The following MEOX2 variants were observed in gnomAD, a reference collection of about 807,000 sequenced individuals.
The protein encoded by MEOX2 is mesenchyme homeobox 2.
Under a neutral mutation model 27.0 loss-of-function variants are expected in MEOX2, and 11 were observed. The ratio of observed to expected loss-of-function variants is 0.41; its 90% CI spans 0.26 to 0.68. The LOEUF (loss-of-function observed/expected upper bound fraction) is 0.68. Among genes scored for constraint, MEOX2 ranks in the 30% least tolerant of loss-of-function variants. The probability of loss-of-function intolerance (pLI) is 0.33; values close to 1 mark genes in which losing one functional copy is unlikely to be tolerated. For missense variants in MEOX2, 436 were observed against 385.4 expected (o/e 1.13, Z -1.10); for synonymous variants, 189 against 155.4 (o/e 1.22, Z -1.61).
At chr7:15,626,941 T>C (rs762624873) in intron 1 of MEOX2, 23 bp from the exon 2 acceptor site, 9 of 1,606,928 alleles carry the variant, frequency 5.6e-6, no homozygotes, top group Non-Finnish European at 7.7e-6. Context: ...GGAGACAGAA[T>C]TGGTAATAAC....
intron 1 of MEOX2, among the ~76,000 whole-genome samples, chr7:15,632,654 T>A (rs1781421476): frequency 6.6e-6 from 1 of 151,910 alleles, no homozygotes; most frequent in Admixed American, 6.6e-5. Flanking sequence ...ATAATGCAAT[T>A]TACTTGCGTC....
At chr7:15,632,956 A>AC (rs1781425045) in intron 1 of MEOX2, among the ~76,000 whole-genome samples, 1 of 151,982 alleles carries the variant, frequency 6.6e-6, no homozygotes, top group Non-Finnish European at 1.5e-5. Context: ...TTGCACCTAC[A>AC]GTGGGACTAA....
At chr7:15,672,831 G>T (rs1036795991) in intron 1 of MEOX2, among the ~76,000 whole-genome samples, 9 of 151,760 alleles carry the variant, frequency 5.9e-5, no homozygotes, top group African/African-American at 2.2e-4. Context: ...GGCAGAGGTT[G>T]CAGTGAGCCG....
At chr7:15,675,154 G>C (rs1189101215) in intron 1 of MEOX2, among the ~76,000 whole-genome samples, 1 of 152,076 alleles carries the variant, frequency 6.6e-6, no homozygotes, top group Non-Finnish European at 1.5e-5. Context: ...ATATGATTCT[G>C]TTCACATAAA....
chr7:15,646,787 A>G (rs2115374322), intron 1 of MEOX2, among the ~76,000 whole-genome samples: 1 of 152,096 alleles, frequency 6.6e-6, no homozygotes, highest in South Asian at 2.1e-4. Flanking sequence ...AGATTGATAT[A>G]CTAATTAATG....
chr7:15,669,142 A>G (rs534866617), intron 1 of MEOX2, among the ~76,000 whole-genome samples: 1 of 152,360 alleles, frequency 6.6e-6, no homozygotes, highest in East Asian at 1.9e-4. Flanking sequence ...GTAAAGTTTC[A>G]ATATAAAAGT....
At chr7:15,675,805 G>T (rs1189297514) in intron 1 of MEOX2, among the ~76,000 whole-genome samples, 1 of 152,170 alleles carries the variant, frequency 6.6e-6, no homozygotes, top group Non-Finnish European at 1.5e-5. Context: ...TGTCCCTGCT[G>T]TGTATTATCG....
At chr7:15,655,925 T>A (rs1781812696) in intron 1 of MEOX2, among the ~76,000 whole-genome samples, 2 of 151,732 alleles carry the variant, frequency 1.3e-5, no homozygotes, top group Admixed American at 1.3e-4. Context: ...GTCTAGCTGT[T>A]TTATCGATTG....
intron 2 of MEOX2, among the ~76,000 whole-genome samples, chr7:15,620,854 A>C (rs2107267): frequency 8.6e-5 from 13 of 151,664 alleles, no homozygotes; most frequent in Non-Finnish European, 1.5e-4. Context: ...TTACAAGTCT[A>C]CAACATTACA....
chr7:15,682,040 T>C (rs755952690), intron 1 of MEOX2: 8 of 151,830 alleles, frequency 5.3e-5, no homozygotes, highest in Non-Finnish European at 1.2e-4. Flanking sequence ...AGCCCTCATG[T>C]AGGTCAATGA....
chr7:15,678,773 G>A (rs970221644), intron 1 of MEOX2: 2 of 152,154 alleles, frequency 1.3e-5, no homozygotes, highest in Admixed American at 6.5e-5. Flanking sequence ...AAAATTCTAG[G>A]CCTTTAAAAT....
intron 1 of MEOX2, among the ~76,000 whole-genome samples, chr7:15,628,249 T>A (rs1022513331): frequency 6.6e-6 from 1 of 152,116 alleles, no homozygotes; most frequent in Non-Finnish European, 1.5e-5. Flanking sequence ...GATGTTTAAC[T>A]GAACTAAAGA....
In MEOX2 at chr7:15,612,600, C is replaced by A; in HGVS notation, c.702G>T (p.Trp234Cys). The A allele has an allele frequency of 6.2e-7, 1 of 1,613,980 alleles. No homozygotes were observed. The highest frequency in any genetic ancestry group is 8.5e-7 in the Non-Finnish European group (1 of 1,179,922). Residue 234 changes from tryptophan to cysteine, a missense_variant, in exon 3 of 3, where the codon TGG becomes TGT. Transcript: ENST00000262041. ...TCCACTTCATCCGCCTGTTTTGGAA[C>A]CAGACTTTCACCTTCAACCAAGAAA... is the stretch of plus-strand genomic sequence containing the variant. ...LDLTERQVKVWFQNRRMKWKR... is the reference protein window; with the variant it reads ...LDLTERQVKVCFQNRRMKWKR...
chr7:15,680,591 G>A (rs1041648490), intron 1 of MEOX2: 5 of 151,768 alleles, frequency 3.3e-5, no homozygotes, highest in Admixed American at 6.6e-5. Context: ...TTTTCTACTT[G>A]GGGGTTCAGT....
intron 1 of MEOX2, among the ~76,000 whole-genome samples, chr7:15,657,760 T>C (rs775508696): frequency 1.4e-4 from 22 of 152,236 alleles, no homozygotes; most frequent in Non-Finnish European, 2.4e-4. Context: ...TACCTAGTTA[T>C]TGGTCAGGAT....
intron 1 of MEOX2, among the ~76,000 whole-genome samples, chr7:15,676,735 G>A (rs1782199531): frequency 6.6e-6 from 1 of 151,966 alleles, no homozygotes; most frequent in South Asian, 2.1e-4. Flanking sequence ...GCGGGCGCCT[G>A]TAGTCCCAGC....
chr7:15,666,402 A>T (rs536899814), intron 1 of MEOX2, among the ~76,000 whole-genome samples: 1 of 152,266 alleles, frequency 6.6e-6, no homozygotes, highest in African/African-American at 2.4e-5. Flanking sequence ...TGAAATACAA[A>T]GTTTAGTAAC....
Position 15,612,312 on chromosome 7 carries a change from G to T in MEOX2, c.*75C>A. The T allele has an allele frequency of 1.7e-6, 2 of 1,148,530 alleles. No individual in the cohort carries two copies. Among genetic ancestry groups the T allele is most frequent in the Non-Finnish European group, 2.6e-6 (2 of 761,232 alleles). The allele number at this position is 1,148,530 out of a possible 1,614,324, so 71.1% of individuals were successfully genotyped here. A position where few individuals can be genotyped will look rare whatever the true frequency, so the allele number is the denominator to read the frequency against. ...ACATCACTGCCATAGTCATCTCTCT[G>T]TGTAAACGATATTTGGGTAAGGCTT... On this transcript the variant is annotated 3_prime_UTR_variant, in exon 3 of 3. Transcript: ENST00000262041.
intron 1 of MEOX2, among the ~76,000 whole-genome samples, chr7:15,658,579 G>A (rs1432776239): frequency 6.6e-6 from 1 of 152,126 alleles, no homozygotes; most frequent in Non-Finnish European, 1.5e-5. Context: ...AGCTGTTATG[G>A]ACCAAAAGTT....
Sources: gnomAD v4.1 joint callset for allele counts (sites outside exome capture counted in the v4.1 genomes callset) on GRCh38, gnomAD v4.1.1 for gene constraint, MANE v1.5 for transcripts, NCBI Gene and HGNC (gene_info 2026-07-23, HGNC 2026-07-21) for gene names.